SRGAP1: variants seen among roughly 807,000 people sequenced by gnomAD.
SRGAP1 encodes SLIT-ROBO Rho GTPase activating protein 1.
SRGAP1 carries 43 observed loss-of-function variants against 121.9 expected under a neutral mutation model. That is an observed-to-expected ratio of 0.35 (90% CI 0.28 to 0.46). The LOEUF is 0.46. SRGAP1 is among the 20% of genes least tolerant of loss of function. SRGAP1 has a pLI of 1.00. For missense variants in SRGAP1, 1,102 were observed against 1,350.9 expected (o/e 0.82, Z 2.89); for synonymous variants, 447 against 485.4 (o/e 0.92, Z 1.04).
At position 63,868,030 on chromosome 12, in the gene SRGAP1, A is replaced by G. The variant is rs1161926307; in HGVS notation, c.67+23147A>G. Among the ~76,000 whole-genome samples, 3 of 68,410 alleles carry G rather than the reference A, an allele frequency of 4.4e-5. No individual in the cohort carries two copies. In the South Asian group the frequency reaches 1.4e-3, roughly 32 times the overall value. The allele number at this position is 68,410 out of a possible 152,430, so 44.9% of individuals were successfully genotyped here. A position where few individuals can be genotyped will look rare whatever the true frequency, so the allele number is the denominator to read the frequency against. On this transcript the variant is annotated intron_variant, in intron 1 of 21. Coordinates refer to ENST00000355086, the MANE Select transcript of SRGAP1 (RefSeq NM_020762.4). ...AGAATCTCAAGGGCTGATAAATTCTATTTCCATATATATATATATATATAT... is the reference window on the plus strand; with the variant it reads ...AGAATCTCAAGGGCTGATAAATTCTGTTTCCATATATATATATATATATAT...
At chr12:63,875,229 C>T (rs914518240) in intron 1 of SRGAP1, among the ~76,000 whole-genome samples, 2 of 152,286 alleles carry the variant, frequency 1.3e-5, no homozygotes, top group South Asian at 4.1e-4. Context: ...CCGTCAAATA[C>T]AAGCTGGCTC....
In SRGAP1 at chr12:63,990,644, G is replaced by A. The variant is rs78542517; in HGVS notation, c.426+572G>A. On this transcript the variant is annotated intron_variant, in intron 3 of 21. Transcript: ENST00000355086. ...GAGTTATAAGTCAGTGAATCTATGA[G>A]CTACACAATGTGAGCAAAAATTTTG... Among the ~76,000 whole-genome samples the A allele has an allele frequency of 1.0e-3, 159 of 152,314 alleles. 1 individual carries two copies. Among genetic ancestry groups the A allele is most frequent in the African/African-American group, 3.5e-3 (147 of 41,572 alleles).
chr12:64,012,178 C>G (rs1230909821), intron 3 of SRGAP1, among the ~76,000 whole-genome samples: 1 of 152,180 alleles, frequency 6.6e-6, no homozygotes, highest in African/African-American at 2.4e-5. Flanking sequence ...AACTTTGAGA[C>G]TGTTCATTTT....
At chr12:63,883,728 G>A (rs568392337) in intron 1 of SRGAP1, among the ~76,000 whole-genome samples, 1 of 149,480 alleles carries the variant, frequency 6.7e-6, no homozygotes, top group Admixed American at 6.7e-5. Flanking sequence ...ATGCAATCTC[G>A]GCTCACTGCA....
rs376841031 is a variant in SRGAP1, at chr12:63,954,213, A to C, written c.68-29734A>C. Among the ~76,000 whole-genome samples the C allele has an allele frequency of 3.5e-4, 53 of 152,346 alleles. No individual in the cohort carries two copies. The East Asian group carries it at 8.5e-3, about 24-fold the overall frequency. Reference sequence around the variant, plus strand: ...AAAGGTTGTAGTTTTATATAACTCTATTAGGAAGATGTCTTAAAGAGTCAA... The same window carrying C: ...AAAGGTTGTAGTTTTATATAACTCTCTTAGGAAGATGTCTTAAAGAGTCAA... On this transcript the variant is annotated intron_variant, in intron 1 of 21. Transcript: ENST00000355086.
chr12:63,983,837 TATATATA>T (rs2033337620), intron 1 of SRGAP1, 103 bp from the exon 2 acceptor site: 1 of 109,994 alleles, frequency 9.1e-6, no homozygotes, highest in Non-Finnish European at 1.8e-5. Context: ...TATATATATA[TATATATA>T]TATATATATA....
At chr12:64,135,272 ACCTGG>A (rs964942870) in intron 21 of SRGAP1, among the ~76,000 whole-genome samples, 8 of 152,228 alleles carry the variant, frequency 5.3e-5, no homozygotes, top group African/African-American at 1.7e-4. Flanking sequence ...AACAGTAGAC[ACCTGG>A]TGAGGCTGTG....
chr12:64,008,137 T>G (rs1312375479), intron 3 of SRGAP1, among the ~76,000 whole-genome samples: 2 of 152,220 alleles, frequency 1.3e-5, no homozygotes, highest in Non-Finnish European at 2.9e-5. Flanking sequence ...GAGTATATAC[T>G]GTGATCTTTC....
In SRGAP1 at chr12:64,127,708, G is replaced by T; in HGVS notation, c.2524G>T (p.Asp842Tyr). The T allele has an allele frequency of 6.2e-7, 1 of 1,614,098 alleles. No individual in the cohort carries two copies. Among genetic ancestry groups the T allele is most frequent in the Non-Finnish European group, 8.5e-7 (1 of 1,179,994 alleles). Residue 842 changes from aspartate to tyrosine, a missense_variant, in exon 20 of 22, where the codon GAC becomes TAC. Asp to Tyr is a radical substitution (Grantham distance 160). This residue lies in a region of SRGAP1 where 315 missense variants were observed against 343.1 expected (regional missense o/e 0.92). Transcript: ENST00000355086. ...DMNSPTDRHPDGYLARQRKRG... is the reference protein window; with the variant it reads ...DMNSPTDRHPYGYLARQRKRG... ...GAACTCCCCGACAGACCGTCATCCT[G>T]ACGGCTATTTAGCCAGGTAAGTAGA...
At chr12:64,127,130 CTAGGTTTGTGTAAGTGCACTCTATGA>C (rs2036702035) in intron 19 of SRGAP1, among the ~76,000 whole-genome samples, 1 of 152,166 alleles carries the variant, frequency 6.6e-6, no homozygotes, top group Non-Finnish European at 1.5e-5. Context: ...GCTCTACCAT[CTAGGTTTGTGTAAGTGCACTCTATGA>C]TGTTCCCACA....
intron 1 of SRGAP1, among the ~76,000 whole-genome samples, chr12:63,903,535 C>T (rs1367320601): frequency 3.3e-5 from 5 of 151,636 alleles, no homozygotes; most frequent in South Asian, 2.1e-4. Flanking sequence ...CGTGAGCCAC[C>T]GCGCCCAGCC....
chr12:63,911,723 G>A (rs771607627), intron 1 of SRGAP1, among the ~76,000 whole-genome samples: 1 of 152,130 alleles, frequency 6.6e-6, no homozygotes, highest in Non-Finnish European at 1.5e-5. Context: ...GCATCACCCC[G>A]ATTACATTGC....
At chr12:64,003,681 A>G (rs1364424407) in intron 3 of SRGAP1, among the ~76,000 whole-genome samples, 1 of 152,124 alleles carries the variant, frequency 6.6e-6, no homozygotes, top group Non-Finnish European at 1.5e-5. Flanking sequence ...AAAAAAAATG[A>G]ACAGAGCCTC....
At chr12:64,036,580 CT>C (rs2034909758) in intron 4 of SRGAP1, among the ~76,000 whole-genome samples, 1 of 152,142 alleles carries the variant, frequency 6.6e-6, no homozygotes, top group African/African-American at 2.4e-5. Context: ...TGTTTTTCAT[CT>C]CCCTTCCCTG....
At chr12:64,121,841 G>A (rs1304549698) in intron 18 of SRGAP1, among the ~76,000 whole-genome samples, 1 of 142,584 alleles carries the variant, frequency 7.0e-6, no homozygotes, top group Non-Finnish European at 1.6e-5. Flanking sequence ...CTGATTTTTT[G>A]GAAAGAAAAA....
chr12:64,079,098 T>G lies in SRGAP1; in HGVS notation c.1305T>G (p.Thr435=). 6.2e-7 allele frequency: 1 copy of G among 1,613,470 alleles called. No homozygotes were observed. The change falls in exon 9 of 22, where the codon ACT becomes ACG. Residue 435 remains threonine (T), a synonymous_variant. Transcript: ENST00000355086. ...AGAGAAGAGCCAACCAGCAGGAAAC[T>G]GAACAGTTCTACTTCATGGTGTGCC... is the stretch of plus-strand genomic sequence containing the variant. ...IAKRRANQQE[T]EQFYFMKLRE...
intron 1 of SRGAP1, among the ~76,000 whole-genome samples, chr12:63,868,876 C>T (rs1899755716): frequency 6.6e-6 from 1 of 152,130 alleles, no homozygotes; most frequent in Non-Finnish European, 1.5e-5. Flanking sequence ...GTTTAATTTT[C>T]AGAAAAGTGA....
Position 64,043,471 on chromosome 12 carries a change from A to G in SRGAP1, c.697A>G (p.Lys233Glu). The change falls in exon 6 of 22, where the codon AAG becomes GAG. Residue 233 changes from lysine (K) to glutamate (E), a missense_variant. Physicochemically the swap from Lys to Glu is moderately conservative, Grantham distance 56. This residue lies in a region of SRGAP1 where 747 missense variants were observed against 929.4 expected (regional missense o/e 0.80). Transcript: ENST00000355086. Reference sequence around the variant, plus strand: ...GAGACAAGCAAAATATTCAGAAAATAAGCTAAAATCAATTAAGGCACGGAA... The same window carrying G: ...GAGACAAGCAAAATATTCAGAAAATGAGCTAAAATCAATTAAGGCACGGAA... Reference protein sequence around the residue: ...EKRQAKYSENKLKSIKARNEY... With the variant: ...EKRQAKYSENELKSIKARNEY... 2 of 1,610,948 alleles carry G rather than the reference A, an allele frequency of 1.2e-6. No homozygotes were observed. The highest frequency in any genetic ancestry group is 1.7e-6 in the Non-Finnish European group (2 of 1,179,124).
intron 1 of SRGAP1, among the ~76,000 whole-genome samples, chr12:63,870,199 G>A (rs1899801732): frequency 6.6e-6 from 1 of 152,114 alleles, no homozygotes; most frequent in Admixed American, 6.5e-5. Context: ...CAACAATTAT[G>A]TGCTAACATA....
Sources: gnomAD v4.1 joint callset for allele counts (sites outside exome capture counted in the v4.1 genomes callset) on GRCh38, gnomAD v4.1.1 for gene constraint, gnomAD v4.1.1 regional missense constraint, MANE v1.5 for transcripts, NCBI Gene and HGNC (gene_info 2026-07-23, HGNC 2026-07-21) for gene names.